QTMAN: variants seen among roughly 807,000 people sequenced by gnomAD.
QTMAN encodes the protein queuosine-tRNA mannosyltransferase.
the QTMAN span, among the ~76,000 whole-genome samples, chr2:144,300,112 G>A: frequency 6.6e-6 from 1 of 152,150 alleles, no homozygotes; most frequent in Non-Finnish European, 1.5e-5. Flanking sequence ...AGGTTGCCTG[G>A]GGAGTGAGTA....
chr2:143,940,075 T>C, the QTMAN span: 3 of 152,230 alleles, frequency 2.0e-5, no homozygotes, highest in African/African-American at 7.2e-5. Flanking sequence ...TTCAGTTGTG[T>C]AGTTACTGCT....
the QTMAN span, chr2:143,943,362 TATTA>T: frequency 1.3e-5 from 2 of 152,212 alleles, no homozygotes; most frequent in Non-Finnish European, 2.9e-5. Flanking sequence ...TAAGATCTAA[TATTA>T]AATAGTCCCA....
At chr2:144,320,166 A>G in the QTMAN span, among the ~76,000 whole-genome samples, 1 of 152,208 alleles carries the variant, frequency 6.6e-6, no homozygotes, top group Non-Finnish European at 1.5e-5. Flanking sequence ...TTATTGGAAC[A>G]TGGCTATATT....
At chr2:144,206,824 T>C in the QTMAN span, among the ~76,000 whole-genome samples, 1 of 152,200 alleles carries the variant, frequency 6.6e-6, no homozygotes, top group African/African-American at 2.4e-5. Context: ...AATGTAATTC[T>C]GAAAAACTGC....
At chr2:144,317,364 G>GGGAAGGAAGGAAGGAA in the QTMAN span, 5 of 88,176 alleles carry the variant, frequency 5.7e-5, no homozygotes, top group African/African-American at 8.1e-5. Context: ...GATCTTCAAG[G>GGGAAGGAAGGAAGGAA]GGAAGGAAGG....
At chr2:144,037,084 C>G in the QTMAN span, among the ~76,000 whole-genome samples, 1 of 152,104 alleles carries the variant, frequency 6.6e-6, no homozygotes, top group Non-Finnish European at 1.5e-5. Flanking sequence ...AGAACACAGA[C>G]TGATGGTTGC....
chr2:144,179,276 C>T, the QTMAN span, among the ~76,000 whole-genome samples: 104 of 152,232 alleles, frequency 6.8e-4, 1 homozygote, highest in South Asian at 1.0e-2. Flanking sequence ...TTTTCTACTG[C>T]CTAACACTGA....
At chr2:144,238,847 T>A in the QTMAN span, among the ~76,000 whole-genome samples, 2 of 152,136 alleles carry the variant, frequency 1.3e-5, no homozygotes, top group Non-Finnish European at 2.9e-5. Flanking sequence ...AAACCACTAT[T>A]GCTAAGGCTG....
the QTMAN span, among the ~76,000 whole-genome samples, chr2:144,106,238 C>A: frequency 6.6e-6 from 1 of 152,306 alleles, no homozygotes; most frequent in South Asian, 2.1e-4. Flanking sequence ...ATGACAGGAT[C>A]AAATTCACAC....
the QTMAN span, among the ~76,000 whole-genome samples, chr2:143,982,853 CAA>C: frequency 0.11 from 6,914 of 60,720 alleles, 202 homozygotes; most frequent in East Asian, 0.21. Flanking sequence ...GACTCTGTCT[CAA>C]AAAAAAAAAA....
the QTMAN span, among the ~76,000 whole-genome samples, chr2:144,270,969 A>G: frequency 6.1e-3 from 933 of 152,322 alleles, 14 homozygotes; most frequent in African/African-American, 0.021. Context: ...CTATTTACTT[A>G]TATTTCCTTG....
At chr2:144,126,553 T>C in the QTMAN span, among the ~76,000 whole-genome samples, 1 of 152,048 alleles carries the variant, frequency 6.6e-6, no homozygotes, top group East Asian at 1.9e-4. Flanking sequence ...AAGTCCTCAC[T>C]TAACGGCTTC....
chr2:144,276,139 C>T, the QTMAN span, among the ~76,000 whole-genome samples: 6 of 151,840 alleles, frequency 4.0e-5, no homozygotes, highest in Non-Finnish European at 7.4e-5. Flanking sequence ...TTTAGAGCAC[C>T]GGTCTACAAA....
the QTMAN span, among the ~76,000 whole-genome samples, chr2:144,103,641 TAAAATAAAATAAAAC>T: frequency 2.5e-4 from 38 of 152,160 alleles, no homozygotes; most frequent in African/African-American, 8.7e-4. Flanking sequence ...AAAATTAAAA[TAAAATAAAATAAAAC>T]AAAATAAAAT....
At chr2:144,182,798 T>A in the QTMAN span, among the ~76,000 whole-genome samples, 85 of 26,122 alleles carry the variant, frequency 3.3e-3, 1 homozygote, top group East Asian at 0.045. Flanking sequence ...TATATATATA[T>A]TATATATATA....
the QTMAN span, among the ~76,000 whole-genome samples, chr2:143,958,678 G>A: frequency 4.6e-5 from 7 of 151,782 alleles, no homozygotes; most frequent in Non-Finnish European, 1.5e-5. Context: ...CTATGGTTGA[G>A]CCCTCTCATC....
chr2:143,977,324 C>T, the QTMAN span, among the ~76,000 whole-genome samples: 72 of 152,176 alleles, frequency 4.7e-4, no homozygotes, highest in Non-Finnish European at 9.7e-4. Flanking sequence ...AATAAGTAGG[C>T]AAAATGCTAT....
the QTMAN span, among the ~76,000 whole-genome samples, chr2:144,326,512 G>C: frequency 6.6e-6 from 1 of 151,098 alleles, no homozygotes; most frequent in Non-Finnish European, 1.5e-5. Flanking sequence ...GCGTGAACCC[G>C]GGAGGTGGAG....
At chr2:144,251,737 T>C in the QTMAN span, among the ~76,000 whole-genome samples, 1 of 152,156 alleles carries the variant, frequency 6.6e-6, no homozygotes, top group Non-Finnish European at 1.5e-5. Flanking sequence ...CTCAACTTCA[T>C]TAAAATGAAA....
Sources: allele counts gnomAD v4.1 joint callset (sites outside exome capture counted in the v4.1 genomes callset), GRCh38; gene constraint gnomAD v4.1.1; transcripts MANE v1.5; gene names NCBI Gene and HGNC (gene_info 2026-07-23, HGNC 2026-07-21).